STK24: variants seen among roughly 807,000 people sequenced by gnomAD.
STK24 encodes the protein serine/threonine-protein kinase 24.
Under a neutral mutation model 55.6 loss-of-function variants are expected in STK24, and 21 were observed. The ratio of observed to expected loss-of-function variants is 0.38; its 90% CI spans 0.27 to 0.54. The LOEUF (loss-of-function observed/expected upper bound fraction) is 0.54. Ranked by LOEUF, STK24 falls within the 20% of genes least tolerant of loss-of-function variation. STK24 has a pLI of 0.79. For missense variants in STK24, 383 were observed against 538.4 expected (o/e 0.71, Z 2.86); for synonymous variants, 200 against 215.2 (o/e 0.93, Z 0.62).
intron 7 of STK24, among the ~76,000 whole-genome samples, chr13:98,462,722 G>A (rs917569054): frequency 6.6e-6 from 1 of 151,950 alleles, no homozygotes; most frequent in Admixed American, 6.6e-5. Context: ...TCCACACCTC[G>A]GTGCCACTTC....
rs919749506 is a variant in STK24 at position 98,452,273 on chromosome 13, A to C, written c.*900T>G. On this transcript the variant is annotated 3_prime_UTR_variant, in exon 11 of 11. Transcript: ENST00000539966. ...AAAATCGTATTGGAAAGGACGGTAC[A>C]TCTGGCGCAGACCAGCAGTGGCACG... The C allele has an allele frequency of 3.9e-5, 6 of 152,396 alleles. No homozygotes were observed. The highest frequency in any genetic ancestry group is 1.4e-4 in the African/African-American group (6 of 41,466). The allele number at this position is 152,396 out of a possible 1,614,324, so 9.4% of individuals were successfully genotyped here. A position where few individuals can be genotyped will look rare whatever the true frequency, so the allele number is the denominator to read the frequency against.
chr13:98,469,541 C>CA (rs570400434), intron 5 of STK24, among the ~76,000 whole-genome samples: 10 of 135,780 alleles, frequency 7.4e-5, no homozygotes, highest in African/African-American at 1.3e-4. Flanking sequence ...GCATCCCCCC[C>CA]CCCAAAAAAA....
Position 98,453,096 on chromosome 13 carries a change from C to T in STK24, c.*77G>A. ...ACCTCTTCGGTGGAGTCAGCGAAGG[C>T]TCTCGTTGACTTTTAAAAAAGGAGG... On this transcript the variant is annotated 3_prime_UTR_variant, in exon 11 of 11. Coordinates refer to ENST00000539966, the MANE Select transcript of STK24 (RefSeq NM_001032296.4). 1.9e-6 allele frequency: 3 copies of T among 1,565,464 alleles called. No individual in the cohort carries two copies. The highest frequency in any genetic ancestry group is 2.6e-6 in the Non-Finnish European group (3 of 1,142,264).
intron 1 of STK24, among the ~76,000 whole-genome samples, chr13:98,568,596 G>A (rs980908355): frequency 2.0e-5 from 3 of 152,210 alleles, no homozygotes; most frequent in African/African-American, 7.2e-5. Flanking sequence ...GCCGGGGATG[G>A]TGGCTCACAC....
intron 2 of STK24, among the ~76,000 whole-genome samples, chr13:98,482,663 G>A (rs558036882): frequency 1.6e-4 from 24 of 152,332 alleles, no homozygotes; most frequent in South Asian, 1.0e-3. Flanking sequence ...CAGGCACAGT[G>A]AGAGCTGAGA....
chr13:98,446,456 G>C lies in STK24; in HGVS notation c.*6717C>G. On this transcript the variant is annotated 3_prime_UTR_variant, in exon 11 of 11. Transcript: ENST00000539966. Reference sequence around the variant, plus strand: ...TCTTCTGCCTGGACAAGGGACGGGGGTTGGCTTTATCTACAGCTCAGTCCT... The same window carrying C: ...TCTTCTGCCTGGACAAGGGACGGGGCTTGGCTTTATCTACAGCTCAGTCCT... 1 of 611,186 alleles carries C rather than the reference G, an allele frequency of 1.6e-6. No individual in the cohort carries two copies. The highest frequency in any genetic ancestry group is 2.0e-5 in the South Asian group (1 of 50,420). The allele number at this position is 611,186 out of a possible 1,614,324, so 37.9% of individuals were successfully genotyped here.
chr13:98,524,101 G>A (rs913319893), intron 1 of STK24, among the ~76,000 whole-genome samples: 2 of 152,198 alleles, frequency 1.3e-5, no homozygotes, highest in African/African-American at 4.8e-5. Flanking sequence ...GCTGTGCCAG[G>A]AGGGAAGTGA....
intron 2 of STK24, among the ~76,000 whole-genome samples, chr13:98,512,815 A>G (rs567944663): frequency 6.6e-6 from 1 of 152,352 alleles, no homozygotes; most frequent in East Asian, 1.9e-4. Flanking sequence ...AAAGAGTACA[A>G]GTGTCCAAGG....
chr13:98,463,599 ACTC>A, intron 7 of STK24, 89 bp downstream of exon 7: 1 of 1,402,646 alleles, frequency 7.1e-7, no homozygotes, highest in Non-Finnish European at 9.4e-7. Context: ...AAAAAAAAAA[ACTC>A]AACAGAAAAC....
rs780538522 is a variant in STK24, at chr13:98,460,420, C to T, written c.1074G>A (p.Arg358=). 1.4e-5 allele frequency: 23 copies of T among 1,613,246 alleles called. No homozygotes were observed. The Admixed American group carries it at 1.8e-4, about 13-fold the overall frequency. The change falls in exon 9 of 11, where the codon AGG becomes AGA. Residue 358 remains arginine (R), a synonymous_variant. Coordinates refer to ENST00000539966, the MANE Select transcript of STK24 (RefSeq NM_001032296.4). ...TTGTAGATAAACACTGAGAGAAAGG[C>T]CTCTTCGGGATGTCTTTCATCTTGG... ...DRNKMKDIPK[R]PFSQCLSTII...
At chr13:98,490,985 G>T (rs539909263) in intron 2 of STK24, among the ~76,000 whole-genome samples, 3 of 152,080 alleles carry the variant, frequency 2.0e-5, no homozygotes, top group Non-Finnish European at 4.4e-5. Flanking sequence ...CTGCAAAGAT[G>T]CATGGGGACC....
intron 1 of STK24, among the ~76,000 whole-genome samples, chr13:98,532,140 T>C (rs375848134): frequency 6.6e-6 from 1 of 152,142 alleles, no homozygotes; most frequent in Non-Finnish European, 1.5e-5. Context: ...GTCTAGGAGA[T>C]TGCCCCAGGC....
chr13:98,465,871 G>A (rs1021803692), intron 6 of STK24, among the ~76,000 whole-genome samples: 7 of 152,230 alleles, frequency 4.6e-5, no homozygotes, highest in Admixed American at 3.9e-4. Flanking sequence ...GTATGGCTCT[G>A]CCAGAGTCTA....
intron 3 of STK24, among the ~76,000 whole-genome samples, chr13:98,476,533 G>A (rs1894383969): frequency 6.6e-6 from 1 of 152,232 alleles, no homozygotes; most frequent in African/African-American, 2.4e-5. Context: ...TTAAGCCAAA[G>A]GGGATGAAAA....
intron 1 of STK24, among the ~76,000 whole-genome samples, chr13:98,545,439 G>A (rs1897004726): frequency 1.3e-5 from 2 of 152,106 alleles, no homozygotes; most frequent in Admixed American, 1.3e-4. Context: ...GAGGTCAGGA[G>A]ATCCAGATCA....
At chr13:98,496,135 T>C (rs890552805) in intron 2 of STK24, among the ~76,000 whole-genome samples, 1 of 151,974 alleles carries the variant, frequency 6.6e-6, no homozygotes, top group African/African-American at 2.4e-5. Context: ...TGGGGAGCCA[T>C]GGGTGGGATG....
chr13:98,468,415 C>A (rs1254065598), intron 5 of STK24, among the ~76,000 whole-genome samples: 1 of 152,212 alleles, frequency 6.6e-6, no homozygotes, highest in East Asian at 1.9e-4. Flanking sequence ...CAGTCTCTTG[C>A]CCCTAGGAGC....
intron 1 of STK24, among the ~76,000 whole-genome samples, chr13:98,550,931 T>C (rs1170132964): frequency 1.3e-5 from 2 of 152,042 alleles, no homozygotes; most frequent in Admixed American, 6.5e-5. Flanking sequence ...CTGAATTAAG[T>C]TGAAGATTAA....
chr13:98,562,176 G>T (rs138552367), intron 1 of STK24, among the ~76,000 whole-genome samples: 1 of 152,080 alleles, frequency 6.6e-6, no homozygotes, highest in Non-Finnish European at 1.5e-5. Flanking sequence ...ATGTGTGTAC[G>T]CAGACAACTG....
Sources: gnomAD v4.1 joint callset for allele counts (sites outside exome capture counted in the v4.1 genomes callset) on GRCh38, gnomAD v4.1.1 for gene constraint, MANE v1.5 for transcripts, NCBI Gene and HGNC (gene_info 2026-07-23, HGNC 2026-07-21) for gene names.